PTPRK: variants seen among roughly 807,000 people sequenced by gnomAD.
PTPRK encodes protein tyrosine phosphatase receptor type K, also known as receptor-type tyrosine-protein phosphatase kappa.
In PTPRK, 75 loss-of-function variants were observed where a neutral mutation model predicts 178.0. That is an observed-to-expected ratio of 0.42 (90% CI 0.35 to 0.51). The LOEUF is 0.51. Ranked by LOEUF, PTPRK falls within the 20% of genes least tolerant of loss-of-function variation. PTPRK has a pLI of 0.02. For synonymous variants in PTPRK, 637 were observed against 620.6 expected (o/e 1.03, Z -0.39); for missense variants, 1,441 against 1,797.8 (o/e 0.80, Z 3.59).
At chr6:128,218,895 C>A in intron 6 of PTPRK, 27 bp downstream of exon 6, 17 of 1,561,866 alleles carry the variant, frequency 1.1e-5, no homozygotes, top group Non-Finnish European at 7.9e-6. Flanking sequence ...CATGCAATTT[C>A]GTGAAGTGAA....
intron 3 of PTPRK, among the ~76,000 whole-genome samples, chr6:128,243,148 T>C (rs1379702356): frequency 1.3e-5 from 2 of 152,020 alleles, no homozygotes; most frequent in African/African-American, 4.8e-5. Flanking sequence ...ATATAATCTC[T>C]ATGGCTACAA....
intron 28 of PTPRK, 147 bp from the exon 29 acceptor site, chr6:127,973,304 A>C: frequency 1.5e-6 from 2 of 1,307,570 alleles, no homozygotes; most frequent in South Asian, 3.0e-5. Flanking sequence ...TGTACAAGGC[A>C]GAGAGGAGAA....
intron 7 of PTPRK, among the ~76,000 whole-genome samples, chr6:128,149,874 A>G (rs1409296764): frequency 6.6e-6 from 1 of 152,152 alleles, no homozygotes; most frequent in African/African-American, 2.4e-5. Flanking sequence ...GTCACTGCTG[A>G]AGGCCTTTAG....
intron 2 of PTPRK, among the ~76,000 whole-genome samples, chr6:128,373,035 A>G (rs1054967084): frequency 1.3e-5 from 2 of 152,178 alleles, no homozygotes; most frequent in African/African-American, 2.4e-5. Context: ...AAACATTCCA[A>G]TGTATTTTTT....
intron 2 of PTPRK, among the ~76,000 whole-genome samples, chr6:128,380,829 T>A (rs1837801363): frequency 6.6e-6 from 1 of 152,178 alleles, no homozygotes; most frequent in African/African-American, 2.4e-5. Context: ...GCTAACAATC[T>A]GGGCACAGCC....
chr6:127,989,944 G>C (rs1407993334), intron 21 of PTPRK, among the ~76,000 whole-genome samples: 1 of 151,650 alleles, frequency 6.6e-6, no homozygotes, highest in East Asian at 1.9e-4. Flanking sequence ...AATTTTGTGT[G>C]GTCAAATCTA....
chr6:128,130,337 T>G (rs1373192553), intron 7 of PTPRK, among the ~76,000 whole-genome samples: 2 of 152,140 alleles, frequency 1.3e-5, no homozygotes, highest in Non-Finnish European at 2.9e-5. Context: ...TTTCTTCAAA[T>G]CAAGAATACG....
At chr6:128,126,088 T>C (rs1175868120) in intron 7 of PTPRK, among the ~76,000 whole-genome samples, 1 of 151,976 alleles carries the variant, frequency 6.6e-6, no homozygotes, top group Non-Finnish European at 1.5e-5. Context: ...CTGGGATACA[T>C]GTGCAGAACA....
intron 2 of PTPRK, among the ~76,000 whole-genome samples, chr6:128,366,768 T>C (rs190510376): frequency 6.6e-6 from 1 of 152,126 alleles, no homozygotes; most frequent in Non-Finnish European, 1.5e-5. Flanking sequence ...AAACCAACTG[T>C]GTGGGTTCAT....
intron 7 of PTPRK, among the ~76,000 whole-genome samples, chr6:128,121,016 A>G (rs954691815): frequency 2.0e-5 from 3 of 151,924 alleles, no homozygotes; most frequent in African/African-American, 7.2e-5. Flanking sequence ...TTATTAATCA[A>G]TCAAAATATT....
chr6:128,453,703 A>C (rs1397369731), intron 1 of PTPRK, among the ~76,000 whole-genome samples: 3 of 152,172 alleles, frequency 2.0e-5, no homozygotes, highest in African/African-American at 7.2e-5. Flanking sequence ...CCACCCTGTA[A>C]ATGTGCTTTT....
intron 3 of PTPRK, among the ~76,000 whole-genome samples, chr6:128,263,708 A>G (rs1297023483): frequency 6.6e-6 from 1 of 152,174 alleles, no homozygotes; most frequent in Non-Finnish European, 1.5e-5. Flanking sequence ...ACAACTTCCT[A>G]AAAATTTAAC....
chr6:127,997,741 T>C (rs1431852251), intron 16 of PTPRK, among the ~76,000 whole-genome samples: 1 of 152,068 alleles, frequency 6.6e-6, no homozygotes, highest in African/African-American at 2.4e-5. Flanking sequence ...TCTAATTCCT[T>C]GTACTTATTT....
At chr6:128,343,721 A>G (rs543234935) in intron 2 of PTPRK, among the ~76,000 whole-genome samples, 1 of 152,350 alleles carries the variant, frequency 6.6e-6, no homozygotes, top group Non-Finnish European at 1.5e-5. Context: ...TCAGCTGTTA[A>G]ATGCTTTATC....
At chr6:128,353,232 G>A (rs537595474) in intron 2 of PTPRK, among the ~76,000 whole-genome samples, 19 of 152,256 alleles carry the variant, frequency 1.2e-4, no homozygotes, top group Non-Finnish European at 2.6e-4. Flanking sequence ...ATCAAATGCT[G>A]GTGAAGATGG....
At chr6:128,029,725 C>A (rs186674302) in intron 13 of PTPRK, among the ~76,000 whole-genome samples, 22 of 151,102 alleles carry the variant, frequency 1.5e-4, no homozygotes, top group Admixed American at 5.9e-4. Flanking sequence ...AATGCAAGGA[C>A]TAACTAACAC....
intron 6 of PTPRK, among the ~76,000 whole-genome samples, chr6:128,188,652 A>G (rs1299325970): frequency 1.3e-5 from 2 of 152,186 alleles, no homozygotes; most frequent in Non-Finnish European, 2.9e-5. Context: ...GCTTAAAACA[A>G]CAGAGATTCT....
chr6:128,464,640 T>TATATATATATATATATATATATACACAC (rs1849558274), intron 1 of PTPRK, among the ~76,000 whole-genome samples: 1 of 51,170 alleles, frequency 2.0e-5, no homozygotes, highest in African/African-American at 1.3e-4. Context: ...TATATACACA[T>TATATATATATATATATATATATACACAC]ATATATATAT....
intron 7 of PTPRK, among the ~76,000 whole-genome samples, chr6:128,107,046 G>A (rs1789838412): frequency 1.3e-5 from 2 of 152,122 alleles, no homozygotes; most frequent in South Asian, 2.1e-4. Context: ...TCTGAAATTA[G>A]AATGATTTGT....
Sources: gnomAD v4.1 joint callset for allele counts (sites outside exome capture counted in the v4.1 genomes callset) on GRCh38, gnomAD v4.1.1 for gene constraint, MANE v1.5 for transcripts, NCBI Gene and HGNC (gene_info 2026-07-23, HGNC 2026-07-21) for gene names.